Variants in ATRNL1 observed in about 807,000 individuals in gnomAD.
ATRNL1 encodes the protein attractin-like protein 1.
In ATRNL1, 95 loss-of-function variants were observed where a neutral mutation model predicts 182.7. The ratio of observed to expected loss-of-function variants is 0.52; its 90% CI spans 0.44 to 0.62. The LOEUF (loss-of-function observed/expected upper bound fraction) is 0.62. ATRNL1 is among the 20% of genes least tolerant of loss of function. The pLI is 0.00. For missense variants in ATRNL1, 1,471 were observed against 1,679.5 expected, an observed-to-expected ratio of 0.88 and a Z score of 2.17; for synonymous variants, 576 against 568.3, an observed-to-expected ratio of 1.01 and a Z score of -0.19.
At chr10:115,853,402 G>T (rs895881812) in intron 28 of ATRNL1, among the ~76,000 whole-genome samples, 1 of 152,162 alleles carries the variant, frequency 6.6e-6, no homozygotes, top group Non-Finnish European at 1.5e-5. Flanking sequence ...TACTACCAGT[G>T]AGAGGTACAT....
chr10:115,665,402 G>A (rs1214021288), intron 26 of ATRNL1, among the ~76,000 whole-genome samples: 1 of 152,074 alleles, frequency 6.6e-6, no homozygotes, highest in Non-Finnish European at 1.5e-5. Flanking sequence ...ATATCATCTC[G>A]TGACTTTCAG....
chr10:115,309,310 A>T (rs1853896994), intron 17 of ATRNL1, among the ~76,000 whole-genome samples: 1 of 151,792 alleles, frequency 6.6e-6, no homozygotes, highest in Admixed American at 6.6e-5. Context: ...ATTCTGTGAG[A>T]AGTGATGTTG....
chr10:115,925,665 A>C (rs1555119918), intron 28 of ATRNL1, among the ~76,000 whole-genome samples: 1 of 152,186 alleles, frequency 6.6e-6, no homozygotes, highest in Non-Finnish European at 1.5e-5. Flanking sequence ...AAAAAGACAA[A>C]GAAGGGCATT....
In ATRNL1 at chr10:115,738,144, T is replaced by TTTGTTTTTTTTTTTG. The variant is rs1565335129; in HGVS notation, c.3903+10791_3903+10792insGTTTTTTTTTTTGTT. ...GATAATGATTTTTTTTTTTTTTTTTTTTTTTTTTTTTTGAGATGGAGTCCT... is the reference window on the plus strand; with the variant it reads ...GATAATGATTTTTTTTTTTTTTTTTTTTGTTTTTTTTTTTGTTTTTTTTTTTTGAGATGGAGTCCT... On this transcript the variant is annotated intron_variant, in intron 27 of 28. Coordinates refer to ENST00000355044, the MANE Select transcript of ATRNL1 (RefSeq NM_207303.4). Among the ~76,000 whole-genome samples the TTTGTTTTTTTTTTTG allele has an allele frequency of 1.9e-4, 21 of 109,572 alleles. 1 individual carries two copies. The highest frequency in any genetic ancestry group is 6.0e-4 in the African/African-American group (19 of 31,488). The allele number at this position is 109,572 out of a possible 152,430, so 71.9% of individuals were successfully genotyped here.
At chr10:115,542,039 C>A (rs930451434) in intron 25 of ATRNL1, among the ~76,000 whole-genome samples, 1 of 152,140 alleles carries the variant, frequency 6.6e-6, no homozygotes, top group African/African-American at 2.4e-5. Context: ...GGAAGAAACA[C>A]TGTATACATT....
intron 6 of ATRNL1, among the ~76,000 whole-genome samples, chr10:115,163,356 C>A (rs903098435): frequency 4.2e-5 from 6 of 142,386 alleles, no homozygotes; most frequent in Non-Finnish European, 9.3e-5. Context: ...CTTTTATTTT[C>A]TTGTTTTATT....
At chr10:115,130,910 G>T (rs1288134048) in intron 5 of ATRNL1, among the ~76,000 whole-genome samples, 1 of 152,052 alleles carries the variant, frequency 6.6e-6, no homozygotes, top group Non-Finnish European at 1.5e-5. Flanking sequence ...GAATACATTT[G>T]TATAACATTC....
At chr10:115,160,324 T>A in intron 6 of ATRNL1, 110 bp downstream of exon 6, 1 of 1,024,984 alleles carries the variant, frequency 9.8e-7, no homozygotes, top group Non-Finnish European at 1.4e-6. Context: ...TTTGTGGTAG[T>A]GTCTATTTGC....
Position 115,093,900 on chromosome 10 carries a change from C to T in ATRNL1, c.150C>T (p.Tyr50=), listed in dbSNP as rs2084941794. 2 of 1,597,686 alleles carry T rather than the reference C, an allele frequency of 1.3e-6. No individual in the cohort carries two copies. The highest frequency in any genetic ancestry group is 1.4e-5 in the African/African-American group (1 of 73,384). Residue 50 remains tyrosine, a synonymous_variant, in exon 1 of 29, where the codon TAC becomes TAT. Transcript: ENST00000355044. The surrounding 1 kb of genome is among the most constrained non-coding windows in gnomAD (Gnocchi z 6.1). ...NSWLLCYGFL[Y]LALYAQVSQS... ...GGCTGCTGTGCTATGGCTTCCTCTA[C>T]CTGGCGCTCTACGCGCAGGTGTCCC...
intron 26 of ATRNL1, among the ~76,000 whole-genome samples, chr10:115,631,546 A>C (rs1461635070): frequency 6.6e-6 from 1 of 152,098 alleles, no homozygotes; most frequent in East Asian, 1.9e-4. Context: ...AATTGAGTAT[A>C]AGGGAATAGA....
chr10:115,491,737 C>T (rs574157489), intron 24 of ATRNL1, among the ~76,000 whole-genome samples: 3 of 152,156 alleles, frequency 2.0e-5, no homozygotes, highest in Non-Finnish European at 2.9e-5. Context: ...GCTTCAGCCC[C>T]CTTTCCAGGA....
intron 28 of ATRNL1, among the ~76,000 whole-genome samples, chr10:115,935,244 A>G (rs929907522): frequency 1.3e-5 from 2 of 152,198 alleles, no homozygotes; most frequent in African/African-American, 2.4e-5. Context: ...ATGTTTCTCA[A>G]TTTAACCTGT....
chr10:115,662,655 A>T (rs1213771332), intron 26 of ATRNL1, among the ~76,000 whole-genome samples: 1 of 152,166 alleles, frequency 6.6e-6, no homozygotes, highest in African/African-American at 2.4e-5. Flanking sequence ...ATGAATTTAT[A>T]TGATATCCCT....
At chr10:115,575,246 C>G (rs1438594386) in intron 26 of ATRNL1, among the ~76,000 whole-genome samples, 1 of 152,076 alleles carries the variant, frequency 6.6e-6, no homozygotes, top group Non-Finnish European at 1.5e-5. Flanking sequence ...CATCGACTTT[C>G]AAGTCATTTT....
At chr10:115,800,147 C>A in intron 27 of ATRNL1, among the ~76,000 whole-genome samples, 1 of 151,204 alleles carries the variant, frequency 6.6e-6, no homozygotes, top group Non-Finnish European at 1.5e-5. Context: ...TTGAACCCCA[C>A]GAGATGGAGG....
intron 11 of ATRNL1, 72 bp downstream of exon 11, chr10:115,265,349 C>CT (rs1471824244): frequency 1.1e-6 from 1 of 951,838 alleles, no homozygotes; most frequent in Non-Finnish European, 1.6e-6. Context: ...TTCTGGTATT[C>CT]TTTTTGAAAA....
rs1953859193 is a variant in ATRNL1, at chr10:115,945,574, G to A, written c.*795G>A. Reference sequence around the variant, plus strand: ...CCACAACCTGAAAAGAGCCGAAATGGTTATTTTACAGCATACAAGCTTCTG... The same window carrying A: ...CCACAACCTGAAAAGAGCCGAAATGATTATTTTACAGCATACAAGCTTCTG... On this transcript the variant is annotated 3_prime_UTR_variant, in exon 29 of 29. Coordinates refer to ENST00000355044, the MANE Select transcript of ATRNL1 (RefSeq NM_207303.4). The A allele has an allele frequency of 6.6e-6, 1 of 152,102 alleles. No homozygotes were observed. The highest frequency in any genetic ancestry group is 6.5e-5 in the Admixed American group (1 of 15,270). The allele number at this position is 152,102 out of a possible 1,614,324, so 9.4% of individuals were successfully genotyped here.
intron 25 of ATRNL1, among the ~76,000 whole-genome samples, chr10:115,534,707 G>A (rs1554989656): frequency 6.6e-6 from 1 of 151,976 alleles, no homozygotes; most frequent in Non-Finnish European, 1.5e-5. Context: ...AGTCTCGATG[G>A]TCTTTACATT....
Position 115,315,752 on chromosome 10 carries a change from T to C in ATRNL1, c.3037+16T>C, listed in dbSNP as rs782134792. ...CAGTGTCCAGGTAATAATAATGTAA[T>C]GGAAACAATTTCAGTTTCTGCTTAA... is the stretch of plus-strand genomic sequence containing the variant. On this transcript the variant is annotated intron_variant, in intron 18 of 28. Transcript: ENST00000355044. The C allele has an allele frequency of 1.3e-6, 2 of 1,595,458 alleles. No individual in the cohort carries two copies. The highest frequency in any genetic ancestry group is 1.7e-5 in the Admixed American group (1 of 59,564).
Sources: allele counts gnomAD v4.1 joint callset (sites outside exome capture counted in the v4.1 genomes callset), GRCh38; gene constraint gnomAD v4.1.1; non-coding constraint Gnocchi (gnomAD v3.1); transcripts MANE v1.5; gene names NCBI Gene and HGNC (gene_info 2026-07-23, HGNC 2026-07-21).